The following OTUD7A variants were observed in gnomAD, a reference collection of about 807,000 sequenced individuals.
The protein encoded by OTUD7A is OTU domain-containing protein 7A.
OTUD7A carries 12 observed loss-of-function variants against 65.7 expected under a neutral mutation model. The observed-to-expected ratio is 0.18, with a 90% CI of 0.12 to 0.30. The LOEUF (loss-of-function observed/expected upper bound fraction) is 0.30, where lower values mean the gene tolerates loss of function less well. Ranked by LOEUF, OTUD7A falls within the 10% of genes least tolerant of loss-of-function variation. The probability of loss-of-function intolerance (pLI) is 1.00; values close to 1 mark genes in which losing one functional copy is unlikely to be tolerated. For synonymous variants in OTUD7A, 641 were observed against 586.3 expected (o/e 1.09, Z -1.35); for missense variants, 1,148 against 1,304.8 (o/e 0.88, Z 1.85).
chr15:31,757,628 T>G (rs532198817), intron 1 of OTUD7A, among the ~76,000 whole-genome samples: 8 of 152,278 alleles, frequency 5.3e-5, no homozygotes, highest in East Asian at 1.9e-4. Context: ...AATTGTACCA[T>G]GGGCAACCCT....
At chr15:31,823,440 A>T (rs1896732982) in intron 1 of OTUD7A, among the ~76,000 whole-genome samples, 1 of 152,224 alleles carries the variant, frequency 6.6e-6, no homozygotes, top group Non-Finnish European at 1.5e-5. Flanking sequence ...TCCCACACCA[A>T]GCAATCTCTG....
At chr15:31,574,445 A>G (rs965950547) in intron 3 of OTUD7A, among the ~76,000 whole-genome samples, 1 of 152,214 alleles carries the variant, frequency 6.6e-6, no homozygotes, top group African/African-American at 2.4e-5. Context: ...TAAGAGACAC[A>G]CCTAGAGCAA....
intron 1 of OTUD7A, among the ~76,000 whole-genome samples, chr15:31,741,804 A>G (rs1334127717): frequency 2.6e-5 from 4 of 152,052 alleles, no homozygotes; most frequent in African/African-American, 9.7e-5. Flanking sequence ...CACAAAAAAA[A>G]TTAGAAGAAA....
At chr15:31,485,101 G>C (rs956018566) in intron 12 of OTUD7A, among the ~76,000 whole-genome samples, 1 of 152,158 alleles carries the variant, frequency 6.6e-6, no homozygotes, top group Non-Finnish European at 1.5e-5. Flanking sequence ...CCAGAGCCTT[G>C]TCACAATTTA....
In OTUD7A at chr15:31,783,467, C is replaced by A. The variant is rs187463137; in HGVS notation, c.-100+87040G>T. 1.1e-3 allele frequency among the ~76,000 whole-genome samples: 168 copies of A among 152,348 alleles called. 1 individual carries two copies. Among genetic ancestry groups the A allele is most frequent in the African/African-American group, 3.9e-3 (164 of 41,584 alleles). ...GCCGCACAAATTAAGGCAATAGCAA[C>A]CACTGTGCCAGTAGTCTTCATATTC... is the stretch of plus-strand genomic sequence containing the variant. On this transcript the variant is annotated intron_variant, in intron 1 of 12. Transcript: ENST00000307050.
chr15:31,590,087 A>G (rs1202963844), intron 3 of OTUD7A, among the ~76,000 whole-genome samples: 1 of 152,182 alleles, frequency 6.6e-6, no homozygotes, highest in East Asian at 1.9e-4. Flanking sequence ...TGGTATTCTC[A>G]CAAGAGTATA....
At chr15:31,781,258 A>G (rs982774539) in intron 1 of OTUD7A, among the ~76,000 whole-genome samples, 1 of 152,194 alleles carries the variant, frequency 6.6e-6, no homozygotes, top group African/African-American at 2.4e-5. Context: ...CTGAAGCTCC[A>G]TTTAAGAATG....
At chr15:31,839,152 G>A (rs1384402401) in intron 1 of OTUD7A, among the ~76,000 whole-genome samples, 3 of 152,204 alleles carry the variant, frequency 2.0e-5, no homozygotes, top group Non-Finnish European at 2.9e-5. Context: ...TTGGAGCACC[G>A]TTCGAAACAC....
intron 9 of OTUD7A, 97 bp from the exon 10 acceptor site, chr15:31,501,936 TCCGTGG>T: frequency 7.4e-7 from 1 of 1,358,898 alleles, no homozygotes; most frequent in Non-Finnish European, 1.0e-6. Flanking sequence ...CCGGGGGGAC[TCCGTGG>T]AGAAGCGGAG....
At chr15:31,514,272 A>T (rs985883044) in intron 8 of OTUD7A, among the ~76,000 whole-genome samples, 5 of 151,934 alleles carry the variant, frequency 3.3e-5, no homozygotes, top group African/African-American at 1.2e-4. Context: ...GCTGGTCTCG[A>T]ACTTCTGGGC....
At chr15:31,774,269 C>T (rs577384949) in intron 1 of OTUD7A, among the ~76,000 whole-genome samples, 1 of 152,262 alleles carries the variant, frequency 6.6e-6, no homozygotes, top group Non-Finnish European at 1.5e-5. Flanking sequence ...CTGAAGCAGG[C>T]TGCCAGCTGA....
At chr15:31,860,811 T>C (rs1043276394) in intron 1 of OTUD7A, among the ~76,000 whole-genome samples, 2 of 148,446 alleles carry the variant, frequency 1.3e-5, no homozygotes, top group African/African-American at 2.5e-5. Context: ...GTTCACGCCA[T>C]TCTCTTGCCT....
chr15:31,855,120 C>T (rs1250542199), intron 1 of OTUD7A, among the ~76,000 whole-genome samples: 1 of 151,650 alleles, frequency 6.6e-6, no homozygotes, highest in Non-Finnish European at 1.5e-5. Context: ...TACAAGAAAA[C>T]TTCTGAAATA....
chr15:31,641,749 C>T (rs1224537943), intron 3 of OTUD7A, among the ~76,000 whole-genome samples: 1 of 152,052 alleles, frequency 6.6e-6, no homozygotes, highest in Non-Finnish European at 1.5e-5. Context: ...CAATTGATTT[C>T]TCTATATTGG....
chr15:31,519,651 G>A (rs192856203), intron 8 of OTUD7A, among the ~76,000 whole-genome samples: 23 of 152,236 alleles, frequency 1.5e-4, no homozygotes, highest in African/African-American at 3.6e-4. Flanking sequence ...TACCCACAGC[G>A]CAGTCAGGCA....
intron 1 of OTUD7A, among the ~76,000 whole-genome samples, chr15:31,777,234 G>A (rs184007812): frequency 6.6e-6 from 1 of 152,018 alleles, no homozygotes; most frequent in Admixed American, 6.6e-5. Flanking sequence ...TCTCTCTCAG[G>A]CCTCTCTTAC....
intron 1 of OTUD7A, among the ~76,000 whole-genome samples, chr15:31,736,216 A>G (rs1054514211): frequency 1.3e-5 from 2 of 152,190 alleles, no homozygotes; most frequent in African/African-American, 4.8e-5. Flanking sequence ...AGTTATAAAA[A>G]TAAGATTAGT....
chr15:31,853,993 T>C (rs28532679), intron 1 of OTUD7A, among the ~76,000 whole-genome samples: 2 of 152,204 alleles, frequency 1.3e-5, no homozygotes, highest in African/African-American at 4.8e-5. Flanking sequence ...ATATTTCCCA[T>C]TTTTTCTATT....
chr15:31,510,042 G>A lies in OTUD7A; in HGVS notation c.894-6224C>T, dbSNP rs557392905. Among the ~76,000 whole-genome samples, 6 of 146,612 alleles carry A rather than the reference G, an allele frequency of 4.1e-5. No homozygotes were observed. The South Asian group carries it at 1.1e-3, about 26-fold the overall frequency. ...TTGCGGCGCAGGCTGGGCAAGGGAC[G>A]GGCCCCGCCTGCATGTATGCGCTGC... On this transcript the variant is annotated intron_variant, in intron 8 of 12. Coordinates refer to ENST00000307050, the MANE Select transcript of OTUD7A (RefSeq NM_001382637.1).
Sources: gnomAD v4.1 joint callset for allele counts (sites outside exome capture counted in the v4.1 genomes callset) on GRCh38, gnomAD v4.1.1 for gene constraint, MANE v1.5 for transcripts, NCBI Gene and HGNC (gene_info 2026-07-23, HGNC 2026-07-21) for gene names.